Variants in MTPN observed in about 807,000 individuals in gnomAD.
The protein encoded by MTPN is myotrophin, also known as granule cell differentiation protein.
Under a neutral mutation model 13.5 loss-of-function variants are expected in MTPN, and 2 were observed. The observed-to-expected ratio is 0.15, with a 90% CI of 0.06 to 0.47. The LOEUF is 0.47. Among genes scored for constraint, MTPN ranks in the 20% least tolerant of loss-of-function variants. The pLI, the probability that MTPN is intolerant of heterozygous loss-of-function variation, is 0.97. For synonymous variants in MTPN, 46 were observed against 51.7 expected (o/e 0.89, Z 0.48); for missense variants, 79 against 137.9 (o/e 0.57, Z 2.14).
chr7:135,951,063 G>A (rs998161829), intron 2 of MTPN, among the ~76,000 whole-genome samples: 8 of 152,116 alleles, frequency 5.3e-5, no homozygotes, highest in African/African-American at 1.7e-4. Flanking sequence ...TAAAAGGGCC[G>A]GGTAGCATGG....
chr7:135,938,110 A>G (rs1444893933), intron 3 of MTPN, among the ~76,000 whole-genome samples: 4 of 152,080 alleles, frequency 2.6e-5, no homozygotes, highest in Non-Finnish European at 5.9e-5. Context: ...GTTATACTGT[A>G]TTGCTTTTTA....
rs1301809183 is a variant in MTPN at position 135,933,319 on chromosome 7, A to T, written c.271-3307T>A. Among the ~76,000 whole-genome samples, 3 of 151,728 alleles carry T rather than the reference A, an allele frequency of 2.0e-5. No individual in the cohort carries two copies. In the East Asian group the frequency reaches 5.8e-4, roughly 29 times the overall value. ...CATAGGCCTTTAGCTCACCACTACC[A>T]CCCTTCCCCAGACCTTCTCAATTTC... On this transcript the variant is annotated intron_variant, in intron 3 of 3. Coordinates refer to ENST00000393085, the MANE Select transcript of MTPN (RefSeq NM_145808.4).
chr7:135,948,215 A>G (rs1203191889), intron 3 of MTPN, among the ~76,000 whole-genome samples: 1 of 152,206 alleles, frequency 6.6e-6, no homozygotes, highest in African/African-American at 2.4e-5. Context: ...AAATCTGCCT[A>G]ACAAAACTAC....
chr7:135,937,370 T>TACACACACACACACACAC lies in MTPN; in HGVS notation c.271-7376_271-7359dup, dbSNP rs35704525. ...TATAGATCTCCAAGTGCTAACTGGA[T>TACACACACACACACACAC]ACACACACACACACACACACACACA... is the stretch of plus-strand genomic sequence containing the variant. On this transcript the variant is annotated intron_variant, in intron 3 of 3. Coordinates refer to ENST00000393085, the MANE Select transcript of MTPN (RefSeq NM_145808.4). Among the ~76,000 whole-genome samples the TACACACACACACACACAC allele has an allele frequency of 2.2e-3, 324 of 144,494 alleles. 1 individual carries two copies. The highest frequency in any genetic ancestry group is 8.0e-3 in the African/African-American group (315 of 39,264). The allele number at this position is 144,494 out of a possible 152,430, so 94.8% of individuals were successfully genotyped here. A position where few individuals can be genotyped will look rare whatever the true frequency, so the allele number is the denominator to read the frequency against.
At chr7:135,932,996 A>T (rs1799048442) in intron 3 of MTPN, 1 of 151,072 alleles carries the variant, frequency 6.6e-6, no homozygotes, top group Non-Finnish European at 1.5e-5. Context: ...AGGCTAAGGC[A>T]TGAGAATCAC....
chr7:135,976,125 A>C (rs909405020), intron 1 of MTPN, among the ~76,000 whole-genome samples: 1 of 152,220 alleles, frequency 6.6e-6, no homozygotes, highest in Non-Finnish European at 1.5e-5. Context: ...GTTCTCTCAT[A>C]ATTACAAAGG....
intron 1 of MTPN, among the ~76,000 whole-genome samples, chr7:135,967,283 A>G (rs1455033896): frequency 6.6e-6 from 1 of 152,194 alleles, no homozygotes; most frequent in Non-Finnish European, 1.5e-5. Flanking sequence ...TCTATATTAG[A>G]TGTCACCAAG....
At chr7:135,970,311 T>C (rs980096469) in intron 1 of MTPN, among the ~76,000 whole-genome samples, 1 of 152,220 alleles carries the variant, frequency 6.6e-6, no homozygotes, top group African/African-American at 2.4e-5. Context: ...TGAGAATGGC[T>C]GATTTGTTCA....
chr7:135,927,424 T>TA lies in MTPN; in HGVS notation c.*2501dup. ...GTAAACTACCTGTTTGTACTTGATA[T>TA]AGTGCATATGAAATGACTGATTTAA... is the stretch of plus-strand genomic sequence containing the variant. On this transcript the variant is annotated 3_prime_UTR_variant, in exon 4 of 4. Coordinates refer to ENST00000393085, the MANE Select transcript of MTPN (RefSeq NM_145808.4). 6.5e-7 allele frequency: 1 copy of TA among 1,542,894 alleles called. No individual in the cohort carries two copies. The highest frequency in any genetic ancestry group is 1.2e-5 in the South Asian group (1 of 81,758).
chr7:135,969,590 T>C (rs1255129118), intron 1 of MTPN, among the ~76,000 whole-genome samples: 5 of 151,460 alleles, frequency 3.3e-5, no homozygotes, highest in East Asian at 3.9e-4. Flanking sequence ...ATGTCCAAAA[T>C]GGAAGAAAAA....
intron 1 of MTPN, among the ~76,000 whole-genome samples, chr7:135,976,215 T>C (rs1219461923): frequency 2.0e-5 from 3 of 152,222 alleles, no homozygotes; most frequent in Non-Finnish European, 2.9e-5. Flanking sequence ...CAGTTTTATA[T>C]TTGGGGCTGA....
At chr7:135,966,962 A>T (rs942498476) in intron 1 of MTPN, among the ~76,000 whole-genome samples, 3 of 152,086 alleles carry the variant, frequency 2.0e-5, no homozygotes, top group Non-Finnish European at 4.4e-5. Flanking sequence ...ATCTGAAGAC[A>T]TTTTTTTAGG....
At chr7:135,943,692 C>T (rs928141663) in intron 3 of MTPN, among the ~76,000 whole-genome samples, 36 of 152,092 alleles carry the variant, frequency 2.4e-4, no homozygotes, top group Admixed American at 2.2e-3. Flanking sequence ...CTAAAATTAG[C>T]GCTGCATAAC....
chr7:135,941,062 T>C (rs1258658165), intron 3 of MTPN, among the ~76,000 whole-genome samples: 1 of 152,182 alleles, frequency 6.6e-6, no homozygotes, highest in East Asian at 1.9e-4. Context: ...CCCAAATGTT[T>C]ACTACCTGGC....
At chr7:135,949,146 C>A (rs1309981801) in intron 3 of MTPN, among the ~76,000 whole-genome samples, 3 of 152,210 alleles carry the variant, frequency 2.0e-5, no homozygotes, top group Non-Finnish European at 2.9e-5. Flanking sequence ...GATCTCTTTA[C>A]TGTTTAAGCC....
At chr7:135,959,531 T>A (rs1799491824) in intron 1 of MTPN, among the ~76,000 whole-genome samples, 1 of 152,152 alleles carries the variant, frequency 6.6e-6, no homozygotes, top group Admixed American at 6.6e-5. Context: ...CTGAAGAACA[T>A]AAACGGTGAA....
chr7:135,949,192 TC>T lies in MTPN; in HGVS notation c.270+1406del, dbSNP rs1799327513. ...GGGTTCAGTTACTTGCAAGACAGAG[TC>T]CTAACTAATACAATATTGAAATTAT... On this transcript the variant is annotated intron_variant, in intron 3 of 3. Transcript: ENST00000393085. 3.3e-5 allele frequency among the ~76,000 whole-genome samples: 5 copies of T among 152,312 alleles called. No homozygotes were observed. The South Asian group carries it at 1.0e-3, about 32-fold the overall frequency.
intron 1 of MTPN, among the ~76,000 whole-genome samples, chr7:135,954,783 A>C (rs1305844897): frequency 6.6e-6 from 1 of 152,156 alleles, no homozygotes; most frequent in Non-Finnish European, 1.5e-5. Context: ...TCAACTAAAA[A>C]ACACAACAAA....
intron 3 of MTPN, among the ~76,000 whole-genome samples, chr7:135,936,180 A>C (rs1799112299): frequency 1.3e-5 from 2 of 152,176 alleles, no homozygotes; most frequent in Admixed American, 1.3e-4. Flanking sequence ...ATAAGAGGTA[A>C]TCAATACATG....
Sources: allele counts gnomAD v4.1 joint callset (sites outside exome capture counted in the v4.1 genomes callset), GRCh38; gene constraint gnomAD v4.1.1; transcripts MANE v1.5; gene names NCBI Gene and HGNC (gene_info 2026-07-23, HGNC 2026-07-21).